The following RORA variants were observed in gnomAD, a reference collection of about 807,000 sequenced individuals.
RORA encodes RAR related orphan receptor A.
Under a neutral mutation model 69.5 loss-of-function variants are expected in RORA, and 7 were observed. The ratio of observed to expected loss-of-function variants is 0.10; its 90% CI spans 0.06 to 0.19. The LOEUF (loss-of-function observed/expected upper bound fraction) is 0.19, where lower values mean the gene tolerates loss of function less well. Ranked by LOEUF, RORA falls within the 10% of genes least tolerant of loss-of-function variation. RORA has a pLI of 1.00. For missense variants in RORA, 457 were observed against 663.0 expected (o/e 0.69, Z 3.41); for synonymous variants, 261 against 240.8 (o/e 1.08, Z -0.78).
chr15:60,804,044 C>A (rs1212693705), intron 1 of RORA, among the ~76,000 whole-genome samples: 1 of 152,092 alleles, frequency 6.6e-6, no homozygotes, highest in Non-Finnish European at 1.5e-5. Context: ...AATCCCAACA[C>A]TTTGAGAGGC....
intron 1 of RORA, among the ~76,000 whole-genome samples, chr15:60,754,851 A>T (rs1871857): frequency 1.3e-5 from 2 of 152,014 alleles, no homozygotes; most frequent in Admixed American, 6.6e-5. Flanking sequence ...TGAAGCTAGC[A>T]CTTCCCTTCG....
intron 1 of RORA, among the ~76,000 whole-genome samples, chr15:61,214,433 T>G (rs897732069): frequency 1.3e-5 from 2 of 152,228 alleles, no homozygotes; most frequent in Non-Finnish European, 2.9e-5. Flanking sequence ...CAGTGGCTTA[T>G]GAAGCAAATT....
intron 1 of RORA, among the ~76,000 whole-genome samples, chr15:61,173,122 A>G (rs1049610571): frequency 6.6e-6 from 1 of 151,994 alleles, no homozygotes; most frequent in African/African-American, 2.4e-5. Context: ...TCTTTCTACT[A>G]GGCACTGTAC....
intron 2 of RORA, among the ~76,000 whole-genome samples, chr15:60,656,756 T>C (rs1005434263): frequency 6.6e-6 from 1 of 152,104 alleles, no homozygotes; most frequent in African/African-American, 2.4e-5. Context: ...CCAAATCAAA[T>C]AAGGCCCTGA....
chr15:60,704,709 C>T (rs775322670), intron 1 of RORA, among the ~76,000 whole-genome samples: 7 of 152,152 alleles, frequency 4.6e-5, no homozygotes, highest in South Asian at 4.2e-4. Flanking sequence ...TAATCTAGGT[C>T]GGACGGGCAC....
At chr15:61,049,735 C>A (rs533758660) in intron 1 of RORA, among the ~76,000 whole-genome samples, 126 of 152,294 alleles carry the variant, frequency 8.3e-4, no homozygotes, top group African/African-American at 2.9e-3. Flanking sequence ...TCTCAGCTCA[C>A]TGCAACCTCC....
chr15:61,162,633 C>T (rs751815200), intron 1 of RORA, among the ~76,000 whole-genome samples: 20 of 152,116 alleles, frequency 1.3e-4, no homozygotes, highest in African/African-American at 2.2e-4. Context: ...CAACCCAAAC[C>T]AGCTGCCTCT....
intron 1 of RORA, among the ~76,000 whole-genome samples, chr15:61,132,324 T>A (rs975445414): frequency 2.6e-5 from 4 of 152,298 alleles, no homozygotes; most frequent in African/African-American, 7.2e-5. Flanking sequence ...TGATAAACCA[T>A]GACCTCCATC....
chr15:60,977,542 A>T (rs1409626774), intron 1 of RORA, among the ~76,000 whole-genome samples: 2 of 152,188 alleles, frequency 1.3e-5, no homozygotes, highest in Non-Finnish European at 2.9e-5. Flanking sequence ...ACAGTTGTGT[A>T]TGACCATCAA....
chr15:60,954,991 G>C (rs1402138702), intron 1 of RORA, among the ~76,000 whole-genome samples: 1 of 152,128 alleles, frequency 6.6e-6, no homozygotes, highest in Non-Finnish European at 1.5e-5. Flanking sequence ...CATTAACATG[G>C]GTTTTGTATC....
At chr15:60,768,872 G>A (rs545192967) in intron 1 of RORA, among the ~76,000 whole-genome samples, 2 of 152,330 alleles carry the variant, frequency 1.3e-5, no homozygotes, top group South Asian at 4.1e-4. Flanking sequence ...AAGAAAGGAT[G>A]CAGAGTAGAG....
intron 1 of RORA, among the ~76,000 whole-genome samples, chr15:60,954,376 GGCACA>G (rs1566923622): frequency 6.7e-6 from 1 of 149,852 alleles, no homozygotes; most frequent in Non-Finnish European, 1.5e-5. Flanking sequence ...GCACCAGCAT[GGCACA>G]TATATACATA....
At chr15:60,536,772 C>T (rs1404982902) in intron 2 of RORA, among the ~76,000 whole-genome samples, 1 of 152,252 alleles carries the variant, frequency 6.6e-6, no homozygotes, top group Non-Finnish European at 1.5e-5. Context: ...ACATGTCTGT[C>T]ATACTTATGA....
At chr15:60,865,831 A>G (rs952045157) in intron 1 of RORA, among the ~76,000 whole-genome samples, 3 of 152,174 alleles carry the variant, frequency 2.0e-5, no homozygotes, top group African/African-American at 7.2e-5. Flanking sequence ...AGGCCTGTCT[A>G]TATGTCTCAA....
At position 60,827,573 on chromosome 15, in the gene RORA, T is replaced by G. The variant is rs377584229; in HGVS notation, c.167-148887A>C. Reference sequence around the variant, plus strand: ...CTGAACCACACTGCATGGCCAGGCTTCCAAGGGAAACTGTGTTCAGACAAC... The same window carrying G: ...CTGAACCACACTGCATGGCCAGGCTGCCAAGGGAAACTGTGTTCAGACAAC... On this transcript the variant is annotated intron_variant, in intron 1 of 10. Transcript: ENST00000335670. 2.1e-3 allele frequency among the ~76,000 whole-genome samples: 318 copies of G among 152,334 alleles called. 3 individuals are homozygous for G. Among genetic ancestry groups the G allele is most frequent in the African/African-American group, 7.3e-3 (302 of 41,568 alleles).
At position 60,816,617 on chromosome 15, in the gene RORA, T is replaced by C. The variant is rs986856093; in HGVS notation, c.167-137931A>G. On this transcript the variant is annotated intron_variant, in intron 1 of 10. Coordinates refer to ENST00000335670, the MANE Select transcript of RORA (RefSeq NM_134261.3). ...ATATGTATTTATATACTGTAAACAG[T>C]ATATATTTTATATGTTAAATGATGA... is the stretch of plus-strand genomic sequence containing the variant. Among the ~76,000 whole-genome samples, 2 of 150,410 alleles carry C rather than the reference T, an allele frequency of 1.3e-5. 1 individual carries two copies. Among genetic ancestry groups the C allele is most frequent in the South Asian group, 4.2e-4 (2 of 4,800 alleles).
At chr15:60,612,604 G>A (rs905399033) in intron 2 of RORA, among the ~76,000 whole-genome samples, 22 of 151,032 alleles carry the variant, frequency 1.5e-4, no homozygotes, top group African/African-American at 3.4e-4. Context: ...GCTGTCATAC[G>A]GAAGCTGAAA....
intron 1 of RORA, among the ~76,000 whole-genome samples, chr15:60,685,454 G>A (rs1174756913): frequency 6.6e-6 from 1 of 152,140 alleles, no homozygotes; most frequent in Non-Finnish European, 1.5e-5. Flanking sequence ...ATATCACTTT[G>A]TGCTGGCCTT....
At chr15:61,023,655 C>G (rs1210554533) in intron 1 of RORA, among the ~76,000 whole-genome samples, 1 of 152,166 alleles carries the variant, frequency 6.6e-6, no homozygotes, top group Non-Finnish European at 1.5e-5. Flanking sequence ...AAACCTGTTG[C>G]TGGTGTTGCT....
Sources: gnomAD v4.1 joint callset for allele counts (sites outside exome capture counted in the v4.1 genomes callset) on GRCh38, gnomAD v4.1.1 for gene constraint, MANE v1.5 for transcripts, NCBI Gene and HGNC (gene_info 2026-07-23, HGNC 2026-07-21) for gene names.